The following YBX3 variants were observed in gnomAD, a reference collection of about 807,000 sequenced individuals.
YBX3 encodes Y-box-binding protein 3.
YBX3 carries 29 observed loss-of-function variants against 42.4 expected under a neutral mutation model. The observed-to-expected ratio is 0.68, with a 90% CI of 0.51 to 0.93. The LOEUF is 0.93. Ranked by LOEUF, YBX3 falls within the 40% of genes least tolerant of loss-of-function variation. The probability of loss-of-function intolerance (pLI) is 0.00; values close to 1 mark genes in which losing one functional copy is unlikely to be tolerated. For missense variants in YBX3, 517 were observed against 527.5 expected (o/e 0.98, Z 0.19); for synonymous variants, 195 against 189.8 (o/e 1.03, Z -0.22).
intron 1 of YBX3, among the ~76,000 whole-genome samples, chr12:10,720,187 T>A (rs1948309332): frequency 6.6e-6 from 1 of 152,236 alleles, no homozygotes; most frequent in Admixed American, 6.5e-5. Flanking sequence ...CCATACTGTC[T>A]TTTCATAAGA....
In YBX3 at chr12:10,723,227, C is replaced by G; in HGVS notation, c.-116G>C. The G allele has an allele frequency of 8.6e-7, 1 of 1,166,632 alleles. No homozygotes were observed. Among genetic ancestry groups the G allele is most frequent in the South Asian group, 4.2e-5 (1 of 23,734 alleles). The allele number at this position is 1,166,632 out of a possible 1,614,324, so 72.3% of individuals were successfully genotyped here. A position where few individuals can be genotyped will look rare whatever the true frequency, so the allele number is the denominator to read the frequency against. On this transcript the variant is annotated 5_prime_UTR_variant, in exon 1 of 10. Coordinates refer to ENST00000228251, the MANE Select transcript of YBX3 (RefSeq NM_003651.5). ...CTCGGGGAGGCCGGGGCGGATCTCG[C>G]GGCGCAGGCGGCGGCGGCCGAGGTG...
intron 4 of YBX3, among the ~76,000 whole-genome samples, chr12:10,715,322 A>G (rs1419530322): frequency 6.6e-6 from 1 of 151,856 alleles, no homozygotes; most frequent in Non-Finnish European, 1.5e-5. Context: ...ACACAGGTGG[A>G]TCACCTAAGG....
chr12:10,701,924 T>C (rs765970100), intron 8 of YBX3, 36 bp downstream of exon 8: 10 of 1,581,546 alleles, frequency 6.3e-6, no homozygotes, highest in Non-Finnish European at 7.7e-6. Flanking sequence ...GATTAAAGAC[T>C]ATCTGGCAAC....
intron 5 of YBX3, chr12:10,710,358 A>G (rs1948186648): frequency 3.5e-6 from 5 of 1,411,140 alleles, no homozygotes; most frequent in Middle Eastern, 2.6e-4. Context: ...CAATCAATCT[A>G]CAATCAATTT....
At chr12:10,712,208 G>A (rs1158515172) in intron 5 of YBX3, 4 of 152,210 alleles carry the variant, frequency 2.6e-5, no homozygotes, top group Admixed American at 2.0e-4. Flanking sequence ...CTTTGGATGA[G>A]ACAGGCAGTC....
At chr12:10,704,953 GCA>G (rs1436446714) in intron 6 of YBX3, among the ~76,000 whole-genome samples, 2 of 152,134 alleles carry the variant, frequency 1.3e-5, no homozygotes, top group Non-Finnish European at 2.9e-5. Context: ...TTTGAAATAA[GCA>G]CAAAGTTACA....
chr12:10,707,363 C>T (rs563064828), intron 6 of YBX3, among the ~76,000 whole-genome samples: 2 of 152,228 alleles, frequency 1.3e-5, no homozygotes, highest in South Asian at 2.1e-4. Flanking sequence ...TCAGTATTCC[C>T]GTATTTGTTT....
At position 10,710,376 on chromosome 12, in the gene YBX3, A is replaced by ATC. The variant is rs1219861388; in HGVS notation, c.574-264_574-263dup. 1.1e-5 allele frequency: 15 copies of ATC among 1,378,412 alleles called. No individual in the cohort carries two copies. The East Asian group carries it at 4.4e-4, about 40-fold the overall frequency. The allele number at this position is 1,378,412 out of a possible 1,614,324, so 85.4% of individuals were successfully genotyped here. ...TCAATCTACAATCAATTTAATAGTC[A>ATC]TCTCATTAGAACTCGTATCAGCTAA... On this transcript the variant is annotated intron_variant, in intron 5 of 9. Transcript: ENST00000228251.
chr12:10,709,161 C>T (rs11053912), intron 6 of YBX3, among the ~76,000 whole-genome samples: 15,575 of 151,814 alleles, frequency 0.1, 1,060 homozygotes, highest in Non-Finnish European at 0.15. Context: ...AAACATCTAG[C>T]GGTGAGGGGA....
In YBX3 at chr12:10,723,198, C is replaced by A; in HGVS notation, c.-87G>T. 1.7e-6 allele frequency: 2 copies of A among 1,175,088 alleles called. No homozygotes were observed. Among genetic ancestry groups the A allele is most frequent in the Non-Finnish European group, 2.1e-6 (2 of 951,758 alleles). 72.8% of individuals were successfully genotyped at this position (1,175,088 alleles called of 1,614,324 possible). On this transcript the variant is annotated 5_prime_UTR_variant, in exon 1 of 10. Transcript: ENST00000228251. ...GCTGGTGGTCGCGGCGGCCGGGGCT[C>A]GCTCTCGGGGAGGCCGGGGCGGATC...
chr12:10,722,768 A>G, intron 1 of YBX3, 82 bp downstream of exon 1: 1 of 1,212,476 alleles, frequency 8.2e-7, no homozygotes, highest in East Asian at 3.1e-5. Flanking sequence ...TGGGAGATGT[A>G]GCGCGAGCTG....
rs367616314 is a variant in YBX3, at chr12:10,702,056, A to G, written c.957T>C (p.Gly319=). 42 of 1,614,142 alleles carry G rather than the reference A, an allele frequency of 2.6e-5. No homozygotes were observed. In the African/African-American group the frequency reaches 4.5e-4, roughly 17 times the overall value. ...CACGGCGAACAGACGGCTGGTTTGG[A>G]CCACTGGTGGCTTGCTGATTTTCTT... ...EDKENQQATS[G]PNQPSVRRGY... is the part of the protein sequence containing the mutation. Residue 319 remains glycine (G), a synonymous_variant, in exon 8 of 10, where the codon GGT becomes GGC. Transcript: ENST00000228251.
chr12:10,713,458 A>C (rs1948224411), intron 4 of YBX3, 125 bp from the exon 5 acceptor site: 2 of 1,212,526 alleles, frequency 1.6e-6, no homozygotes, highest in African/African-American at 3.1e-5. Context: ...GTGATTTTAA[A>C]AACAGATCTA....
chr12:10,717,977 A>T, intron 3 of YBX3, 111 bp downstream of exon 3: 2 of 874,518 alleles, frequency 2.3e-6, no homozygotes, highest in South Asian at 2.6e-5. Flanking sequence ...AATCACAGAA[A>T]GAGTTTAGAT....
chr12:10,712,327 CA>C (rs1428261777), intron 5 of YBX3: 1 of 152,146 alleles, frequency 6.6e-6, no homozygotes, highest in Non-Finnish European at 1.5e-5. Flanking sequence ...CTCATGACCA[CA>C]AATATACTGG....
chr12:10,712,146 CAT>C (rs1948207574), intron 5 of YBX3: 2 of 152,154 alleles, frequency 1.3e-5, no homozygotes, highest in Non-Finnish European at 2.9e-5. Context: ...GCTATCAAAA[CAT>C]AAAGATAGGT....
intron 9 of YBX3, among the ~76,000 whole-genome samples, chr12:10,700,511 T>G (rs1948066611): frequency 6.6e-6 from 1 of 152,148 alleles, no homozygotes; most frequent in Admixed American, 6.5e-5. Flanking sequence ...TTTCTGGCTA[T>G]AATTCTATGT....
chr12:10,709,945 C>A lies in YBX3; in HGVS notation c.743G>T (p.Arg248Leu). The part of the protein sequence containing the change: ...PPYHVGQTFD[R>L]RSRVLPHPNR... ...GGGATGGGGTAAGACCCGTGAGCGA[C>A]GGTCAAAGGTCTGTCCCACGTGGTA... The change falls in exon 6 of 10, where the codon CGT (arginine) becomes CTT (leucine). Residue 248 changes from arginine to leucine, a missense_variant. Around this residue, in one of 3 missense-constraint regions of YBX3, gnomAD observed 420 missense variants for 408.5 expected, o/e 1.03. Transcript: ENST00000228251. 6.2e-7 allele frequency: 1 copy of A among 1,614,172 alleles called. No homozygotes were observed. The highest frequency in any genetic ancestry group is 1.1e-5 in the South Asian group (1 of 91,078).
At chr12:10,715,991 T>C in intron 3 of YBX3, 1 of 537,772 alleles carries the variant, frequency 1.9e-6, no homozygotes, top group Non-Finnish European at 3.3e-6. Flanking sequence ...TTTGTGCTAT[T>C]CATCTTGACA....
Sources: gnomAD v4.1 joint callset for allele counts (sites outside exome capture counted in the v4.1 genomes callset) on GRCh38, gnomAD v4.1.1 for gene constraint, gnomAD v4.1.1 regional missense constraint, MANE v1.5 for transcripts, NCBI Gene and HGNC (gene_info 2026-07-23, HGNC 2026-07-21) for gene names.